The following CACNA2D2 variants were observed in gnomAD, a reference collection of about 807,000 sequenced individuals.
The protein encoded by CACNA2D2 is calcium voltage-gated channel auxiliary subunit alpha2delta 2, also known as voltage-dependent calcium channel subunit alpha-2/delta-2.
Under a neutral mutation model 166.4 loss-of-function variants are expected in CACNA2D2, and 48 were observed. The observed-to-expected ratio is 0.29, with a 90% CI of 0.23 to 0.37. CACNA2D2 has a LOEUF of 0.37. Ranked by LOEUF, CACNA2D2 falls within the 10% of genes least tolerant of loss-of-function variation. The pLI is 1.00. For missense variants in CACNA2D2, 1,122 were observed against 1,433.0 expected, an observed-to-expected ratio of 0.78 and a Z score of 3.50; for synonymous variants, 561 against 573.7, an observed-to-expected ratio of 0.98 and a Z score of 0.32.
chr3:50,453,791 T>A (rs984267810), intron 2 of CACNA2D2, among the ~76,000 whole-genome samples: 4 of 151,762 alleles, frequency 2.6e-5, no homozygotes, highest in African/African-American at 9.7e-5. Context: ...TTCAGACAGG[T>A]AGATGTGCAA....
At chr3:50,395,975 C>A (rs997104154) in intron 3 of CACNA2D2, among the ~76,000 whole-genome samples, 11 of 152,164 alleles carry the variant, frequency 7.2e-5, no homozygotes, top group African/African-American at 2.2e-4. Context: ...CCTTTGTAGG[C>A]TCAGTCCTCT....
rs966374833 is a variant in CACNA2D2 at position 50,503,306 on chromosome 3, G to A, written c.118C>T (p.Pro40Ser). ...GPGTRRPTSG[P>S]PRPLWLLLPL... Reference sequence around the variant, plus strand: ...AGCAGCAGCCACAGCGGGCGCGGGGGCCCGGACGTCGGGCGCCGGGTGCCG... The same window carrying A: ...AGCAGCAGCCACAGCGGGCGCGGGGACCCGGACGTCGGGCGCCGGGTGCCG... Residue 40 changes from proline to serine, a missense_variant, in exon 1 of 38, where the codon CCC (proline) becomes TCC (serine). Coordinates refer to ENST00000424201, the MANE Select transcript of CACNA2D2 (RefSeq NM_006030.4). The A allele has an allele frequency of 5.9e-5, 53 of 898,072 alleles. No individual in the cohort carries two copies. The highest frequency in any genetic ancestry group is 1.6e-4 in the African/African-American group (9 of 56,504). The allele number at this position is 898,072 out of a possible 1,614,324, so 55.6% of individuals were successfully genotyped here. A position where few individuals can be genotyped will look rare whatever the true frequency, so the allele number is the denominator to read the frequency against.
At chr3:50,496,433 C>T (rs914275256) in intron 1 of CACNA2D2, among the ~76,000 whole-genome samples, 6 of 152,218 alleles carry the variant, frequency 3.9e-5, no homozygotes, top group Admixed American at 2.0e-4. Flanking sequence ...TAGACACGCC[C>T]ACATACAAGC....
chr3:50,389,946 T>C (rs1361884915), intron 4 of CACNA2D2, among the ~76,000 whole-genome samples: 1 of 149,496 alleles, frequency 6.7e-6, no homozygotes, highest in African/African-American at 2.4e-5. Context: ...ATATCATAAA[T>C]ACAGCTGTGA....
chr3:50,446,387 C>A (rs577553597), intron 2 of CACNA2D2, among the ~76,000 whole-genome samples: 90 of 152,334 alleles, frequency 5.9e-4, no homozygotes, highest in South Asian at 2.1e-3. Flanking sequence ...GAGTAACTGG[C>A]AGAGCTGGAA....
chr3:50,373,199 C>T (rs1704750944), intron 22 of CACNA2D2: 2 of 863,318 alleles, frequency 2.3e-6, no homozygotes, highest in Admixed American at 4.6e-5. Context: ...TATTCAATGG[C>T]TGTTTGAATG....
chr3:50,422,386 C>T (rs1707613650), intron 3 of CACNA2D2, among the ~76,000 whole-genome samples: 1 of 152,198 alleles, frequency 6.6e-6, no homozygotes, highest in East Asian at 1.9e-4. Context: ...ATGCTCCTCC[C>T]TGCTCTGAGG....
intron 1 of CACNA2D2, among the ~76,000 whole-genome samples, chr3:50,501,603 C>A (rs982126688): frequency 6.6e-6 from 1 of 152,194 alleles, no homozygotes; most frequent in Non-Finnish European, 1.5e-5. Context: ...CAGAAGCCAT[C>A]TGACCAACTG....
chr3:50,480,612 G>A (rs1241925344), intron 1 of CACNA2D2, among the ~76,000 whole-genome samples: 1 of 151,578 alleles, frequency 6.6e-6, no homozygotes, highest in Non-Finnish European at 1.5e-5. Flanking sequence ...AAGAGGAGTT[G>A]GGGAGGGAGA....
chr3:50,416,686 G>T (rs891671951), intron 3 of CACNA2D2, among the ~76,000 whole-genome samples: 1 of 152,242 alleles, frequency 6.6e-6, no homozygotes, highest in Admixed American at 6.5e-5. Context: ...CCTGGGTCCC[G>T]GCTGGAGCCG....
chr3:50,499,148 G>A (rs1249691686), intron 1 of CACNA2D2, among the ~76,000 whole-genome samples: 3 of 152,324 alleles, frequency 2.0e-5, no homozygotes, highest in African/African-American at 7.2e-5. Flanking sequence ...TGATGTGGGT[G>A]GGCACAGCCT....
At chr3:50,503,158 C>T in intron 1 of CACNA2D2, 60 bp downstream of exon 1, 1 of 1,029,396 alleles carries the variant, frequency 9.7e-7, no homozygotes, top group Non-Finnish European at 1.2e-6. Flanking sequence ...TAGCGCGGAC[C>T]GGGGGCAGAG....
chr3:50,429,034 A>G (rs1407489599), intron 3 of CACNA2D2, among the ~76,000 whole-genome samples: 1 of 152,062 alleles, frequency 6.6e-6, no homozygotes, highest in Non-Finnish European at 1.5e-5. Context: ...GTTCGAGACC[A>G]GCCTGCGCAA....
intron 1 of CACNA2D2, among the ~76,000 whole-genome samples, chr3:50,493,883 C>T (rs1442825084): frequency 2.0e-5 from 3 of 152,214 alleles, no homozygotes; most frequent in South Asian, 2.1e-4. Context: ...TGGAGAGGGA[C>T]ACGGTGAGCA....
At position 50,375,944 on chromosome 3, in the gene CACNA2D2, G is replaced by A; in HGVS notation, c.1773+19C>T. 6.2e-7 allele frequency: 1 copy of A among 1,608,948 alleles called. No individual in the cohort carries two copies. Among genetic ancestry groups the A allele is most frequent in the Non-Finnish European group, 8.5e-7 (1 of 1,177,542 alleles). On this transcript the variant is annotated intron_variant, in intron 19 of 37. Transcript: ENST00000424201. The surrounding 1 kb of genome is among the most constrained non-coding windows in gnomAD (Gnocchi z 4.0). ...CTCCTCTGCTCTGTCCCCCACCCCT[G>A]TTCTCCTCCTCTCCTTACCTCTTCC...
intron 2 of CACNA2D2, among the ~76,000 whole-genome samples, chr3:50,440,096 C>T (rs1334813995): frequency 6.6e-6 from 1 of 152,234 alleles, no homozygotes; most frequent in East Asian, 1.9e-4. Context: ...CCCCTCAGGG[C>T]TCTCCCTATA....
intron 2 of CACNA2D2, among the ~76,000 whole-genome samples, chr3:50,449,312 G>A (rs550419460): frequency 6.6e-6 from 1 of 152,170 alleles, no homozygotes; most frequent in African/African-American, 2.4e-5. Context: ...GCAGGAAGAG[G>A]GTAGCAGGAA....
intron 2 of CACNA2D2, among the ~76,000 whole-genome samples, chr3:50,439,774 G>A (rs574798618): frequency 1.3e-5 from 2 of 152,342 alleles, no homozygotes; most frequent in African/African-American, 2.4e-5. Context: ...CTCATGTCAG[G>A]GATGTTGGGT....
At position 50,366,468 on chromosome 3, in the gene CACNA2D2, G is replaced by A. The variant is rs868388685; in HGVS notation, c.2637+110C>T. ...CCTGGGAAGGCTGTGAAGTCAGGGT[G>A]GGGATGTTGAGACCCACAGGCCAAG... On this transcript the variant is annotated intron_variant, in intron 30 of 37. Transcript: ENST00000424201. The surrounding 1 kb of genome is among the most constrained non-coding windows in gnomAD (Gnocchi z 5.9). 1 of 1,464,246 alleles carries A rather than the reference G, an allele frequency of 6.8e-7. No individual in the cohort carries two copies. The highest frequency in any genetic ancestry group is 1.7e-4 in the Middle Eastern group (1 of 5,792). The allele number at this position is 1,464,246 out of a possible 1,614,324, so 90.7% of individuals were successfully genotyped here.
Sources: gnomAD v4.1 joint callset for allele counts (sites outside exome capture counted in the v4.1 genomes callset) on GRCh38, gnomAD v4.1.1 for gene constraint, Gnocchi (gnomAD v3.1) non-coding constraint, MANE v1.5 for transcripts, NCBI Gene and HGNC (gene_info 2026-07-23, HGNC 2026-07-21) for gene names.